TMEM235: variants seen among roughly 807,000 people sequenced by gnomAD.
The protein encoded by TMEM235 is transmembrane protein 235, also known as claudin-27.
In TMEM235, 23 loss-of-function variants were observed where a neutral mutation model predicts 22.9. The observed-to-expected ratio is 1.00, with a 90% CI of 0.72 to 1.42. The LOEUF (loss-of-function observed/expected upper bound fraction) is 1.42, where lower values mean the gene tolerates loss of function less well. Among genes scored for constraint, TMEM235 ranks in the 40% most tolerant of loss-of-function variants. The pLI is 0.00. For synonymous variants in TMEM235, 137 were observed against 140.5 expected, an observed-to-expected ratio of 0.98 and a Z score of 0.17; for missense variants, 308 against 299.5, an observed-to-expected ratio of 1.03 and a Z score of -0.21.
chr17:78,233,531 T>A, intron 2 of TMEM235, among the ~76,000 whole-genome samples: 1 of 151,860 alleles, frequency 6.6e-6, no homozygotes, highest in Non-Finnish European at 1.5e-5. Flanking sequence ...CCGTCTCTAC[T>A]AAAAATACAA....
In TMEM235 at chr17:78,231,793, C is replaced by T; in HGVS notation, c.-231C>T. The T allele has an allele frequency of 3.3e-6, 4 of 1,219,076 alleles. No homozygotes were observed. The South Asian group carries it at 4.5e-5, about 14-fold the overall frequency. 75.5% of individuals were successfully genotyped at this position (1,219,076 alleles called of 1,614,324 possible). A position where few individuals can be genotyped will look rare whatever the true frequency, so the allele number is the denominator to read the frequency against. On this transcript the variant is annotated 5_prime_UTR_variant, in exon 2 of 6. Transcript: ENST00000421688. ...TTCGCCGCGCGGCTCTCGACTTCCT[C>T]TCCTTTCCCCCAGGGGCGAGCTCAG...
At chr17:78,233,242 C>G (rs1397484787) in intron 2 of TMEM235, among the ~76,000 whole-genome samples, 2 of 152,238 alleles carry the variant, frequency 1.3e-5, no homozygotes, top group South Asian at 4.1e-4. Flanking sequence ...GATTCCAGAG[C>G]GAGGCTTCCC....
chr17:78,233,470 G>A (rs1207668056), intron 2 of TMEM235, among the ~76,000 whole-genome samples: 1 of 152,212 alleles, frequency 6.6e-6, no homozygotes, highest in Non-Finnish European at 1.5e-5. Flanking sequence ...CACTTTGGGA[G>A]GCCGAGGCGG....
At chr17:78,234,055 C>T in intron 3 of TMEM235, 80 bp downstream of exon 2, 1 of 1,256,588 alleles carries the variant, frequency 8.0e-7, no homozygotes, top group Non-Finnish European at 1.1e-6. Context: ...CATCCCCATC[C>T]CGCAGCACTG....
intron 2 of TMEM235, among the ~76,000 whole-genome samples, chr17:78,233,308 C>CGT (rs2076604964): frequency 6.6e-6 from 1 of 152,254 alleles, no homozygotes. Context: ...GTTCCACACA[C>CGT]AAACGCATTA....
chr17:78,240,755 GCA>G (rs925236343), exon 6 of TMEM235: 5 of 152,176 alleles, frequency 3.3e-5, no homozygotes, highest in African/African-American at 1.2e-4. Flanking sequence ...TGAGGGGGTG[GCA>G]CAGTTTTGGT....
At chr17:78,232,358 G>C (rs2076592470) in intron 2 of TMEM235, 145 bp downstream of exon 1, 1 of 784,766 alleles carries the variant, frequency 1.3e-6, no homozygotes, top group Non-Finnish European at 1.8e-6. Context: ...GTGTCTCTCC[G>C]CTCCCTCCCC....
rs1281607019 is a variant in TMEM235, at chr17:78,239,162, G to T, written c.548G>T (p.Gly183Val). The T allele has an allele frequency of 1.3e-6, 2 of 1,542,878 alleles. No homozygotes were observed. The highest frequency in any genetic ancestry group is 1.7e-6 in the Non-Finnish European group (2 of 1,146,940). ...GGCTGGTCCATGGCCCTGGCCTGGGGCTCCTGTGCCTTGGAGGCATTCAGC... is the reference window on the plus strand; with the variant it reads ...GGCTGGTCCATGGCCCTGGCCTGGGTCTCCTGTGCCTTGGAGGCATTCAGC... Residue 183 changes from glycine to valine, a missense_variant, in exon 5 of 6, where the codon GGC becomes GTC. By Grantham distance (109) the Gly-to-Val change is moderately radical (BLOSUM62 -3). This residue lies in a region of TMEM235 where 285 missense variants were observed against 256.2 expected (regional missense o/e 1.11). Transcript: ENST00000421688.
At position 78,238,612 on chromosome 17, in the gene TMEM235, GTGTGCA is replaced by G. The variant is rs1018483187; in HGVS notation, c.410-401_410-396del. ...AATGTGTGCAAATGTGTTCGTGTAG[GTGTGCA>G]TGTGCATGTGTGTGCTGGGGGCCAT... On this transcript the variant is annotated intron_variant, in intron 4 of 5. Coordinates refer to ENST00000421688, the Ensembl canonical transcript of TMEM235. The surrounding 1 kb of genome is among the most constrained non-coding windows in gnomAD (Gnocchi z 4.3). 2.1e-4 allele frequency among the ~76,000 whole-genome samples: 31 copies of G among 151,076 alleles called. No homozygotes were observed. Among genetic ancestry groups the G allele is most frequent in the Middle Eastern group, 3.2e-3 (1 of 316 alleles).
In TMEM235 at chr17:78,237,921, G is replaced by A. The variant is rs1319481757; in HGVS notation, c.410-1103G>A. On this transcript the variant is annotated intron_variant, in intron 4 of 5. Transcript: ENST00000421688. The surrounding 1 kb of genome is among the most constrained non-coding windows in gnomAD (Gnocchi z 4.7). Reference sequence around the variant, plus strand: ...AGGAGGAATCACAGAAGACCAGGCTGTGTTGTGCCCCTTCACTGGGCACCA... The same window carrying A: ...AGGAGGAATCACAGAAGACCAGGCTATGTTGTGCCCCTTCACTGGGCACCA... Among the ~76,000 whole-genome samples the A allele has an allele frequency of 1.3e-5, 2 of 152,200 alleles. No homozygotes were observed. Among genetic ancestry groups the A allele is most frequent in the Non-Finnish European group, 2.9e-5 (2 of 68,028 alleles).
At chr17:78,231,816 C>A in exon 2 of TMEM235, 1 of 1,206,578 alleles carries the variant, frequency 8.3e-7, no homozygotes, top group Non-Finnish European at 1.1e-6. Flanking sequence ...GGGGCGAGCT[C>A]AGCGACCGCA....
exon 5 of TMEM235, chr17:78,239,233 C>A: frequency 1.9e-6 from 3 of 1,542,876 alleles, no homozygotes; most frequent in Admixed American, 2.0e-5. Flanking sequence ...CCTGAGCCCC[C>A]CAATCTGTGG....
Position 78,233,897 on chromosome 17 carries a change from C to T in TMEM235, c.193C>T (p.Gln65Ter), listed in dbSNP as rs1359005780. 19 of 1,535,982 alleles carry T rather than the reference C, an allele frequency of 1.2e-5. No homozygotes were observed. Among genetic ancestry groups the T allele is most frequent in the Non-Finnish European group, 1.7e-5 (19 of 1,146,852 alleles). The change falls in exon 3 of 6, where the codon CAG (glutamine) becomes TAG (stop). Residue 65 changes from glutamine (Q) to a stop codon, truncating the protein, a stop_gained and splice_region_variant. Transcript: ENST00000421688. LOFTEE classifies it high-confidence loss of function. The stretch of plus-strand genomic sequence containing the variant: ...GCTTCGAGGCCTATGTTTCCCAGGG[C>T]AGAACGGCTGCATCCCGCTGGTCGA...
At chr17:78,235,345 T>A (rs183623538) in intron 4 of TMEM235, among the ~76,000 whole-genome samples, 1 of 151,672 alleles carries the variant, frequency 6.6e-6, no homozygotes, top group Admixed American at 6.6e-5. Context: ...TGGAGTGCAA[T>A]CGCATGATCT....
At chr17:78,233,922 A>G (rs1311434025) in exon 3 of TMEM235, 1 of 1,535,532 alleles carries the variant, frequency 6.5e-7, no homozygotes, top group Admixed American at 2.0e-5. Context: ...CCGCTGGTCG[A>G]CCCTTTTGCC....
rs1240265979 is a variant in TMEM235, at chr17:78,237,883, A to G, written c.410-1141A>G. Among the ~76,000 whole-genome samples, 1 of 151,788 alleles carries G rather than the reference A, an allele frequency of 6.6e-6. No homozygotes were observed. Among genetic ancestry groups the G allele is most frequent in the Non-Finnish European group, 1.5e-5 (1 of 67,922 alleles). ...CACTCTCTGTCCCACTCTTCTTCCC[A>G]AGTTTGGTTCCCAGGAGGAATCACA... On this transcript the variant is annotated intron_variant, in intron 4 of 5. Transcript: ENST00000421688. The surrounding 1 kb of genome is among the most constrained non-coding windows in gnomAD (Gnocchi z 4.7).
At chr17:78,232,011 G>T (rs1453859872) in exon 2 of TMEM235, 5 of 897,874 alleles carry the variant, frequency 5.6e-6, no homozygotes, top group South Asian at 6.4e-5. Context: ...GTCCCCTCCC[G>T]CCGGCCGCCC....
intron 2 of TMEM235, 114 bp from the exon 2 acceptor site, chr17:78,233,781 A>G (rs2145916028): frequency 1.2e-6 from 1 of 810,576 alleles, no homozygotes; most frequent in East Asian, 2.7e-5. Context: ...CCTGAGTTTC[A>G]GCAGAAGAGA....
intron 4 of TMEM235, among the ~76,000 whole-genome samples, chr17:78,235,603 T>TG (rs1555612098): frequency 6.1e-5 from 9 of 146,964 alleles, no homozygotes; most frequent in African/African-American, 2.3e-4. Flanking sequence ...TACATAGTTT[T>TG]TTTTTTTTTT....
Sources: gnomAD v4.1 joint callset for allele counts (sites outside exome capture counted in the v4.1 genomes callset) on GRCh38, gnomAD v4.1.1 for gene constraint, gnomAD v4.1.1 regional missense constraint, Gnocchi (gnomAD v3.1) non-coding constraint, MANE v1.5 for transcripts, NCBI Gene and HGNC (gene_info 2026-07-23, HGNC 2026-07-21) for gene names.